GFPT2: variants seen among roughly 807,000 people sequenced by gnomAD.
The protein encoded by GFPT2 is glutamine--fructose-6-phosphate aminotransferase [isomerizing] 2.
Under a neutral mutation model 85.6 loss-of-function variants are expected in GFPT2, and 62 were observed. The ratio of observed to expected loss-of-function variants is 0.72; its 90% CI spans 0.59 to 0.90. The LOEUF (loss-of-function observed/expected upper bound fraction) is 0.90. GFPT2 is among the 40% of genes least tolerant of loss of function. The probability of loss-of-function intolerance (pLI) is 0.00; values close to 1 mark genes in which losing one functional copy is unlikely to be tolerated. For missense variants in GFPT2, 788 were observed against 893.4 expected (o/e 0.88, Z 1.50); for synonymous variants, 368 against 344.5 (o/e 1.07, Z -0.75).
At chr5:180,340,042 T>A (rs929266786) in intron 1 of GFPT2, among the ~76,000 whole-genome samples, 1 of 152,198 alleles carries the variant, frequency 6.6e-6, no homozygotes, top group South Asian at 2.1e-4. Context: ...AAGCCACAGA[T>A]GTTTATTCTC....
intron 1 of GFPT2, chr5:180,352,622 C>T: frequency 2.2e-6 from 1 of 449,070 alleles, no homozygotes; most frequent in Non-Finnish European, 4.4e-6. Context: ...GAGGCGGTAA[C>T]GCGGCAGCGA....
chr5:180,316,546 T>G, intron 12 of GFPT2, 85 bp from the exon 13 acceptor site: 1 of 1,470,300 alleles, frequency 6.8e-7, no homozygotes, highest in South Asian at 1.2e-5. Flanking sequence ...AGGGACAGTT[T>G]GTGACACGGA....
At chr5:180,335,746 C>G in intron 4 of GFPT2, 82 bp downstream of exon 4, 30 of 1,436,684 alleles carry the variant, frequency 2.1e-5, no homozygotes, top group Non-Finnish European at 2.8e-5. Flanking sequence ...GAGGTGGGCG[C>G]GGAACCTGCT....
At chr5:180,336,966 C>T (rs751347904) in intron 2 of GFPT2, among the ~76,000 whole-genome samples, 34 of 152,364 alleles carry the variant, frequency 2.2e-4, no homozygotes, top group Middle Eastern at 6.8e-3. Context: ...GTGTTCCTCC[C>T]GTCGTCTATC....
chr5:180,319,026 G>C, intron 9 of GFPT2, 70 bp from the exon 10 acceptor site: 2 of 1,468,628 alleles, frequency 1.4e-6, no homozygotes, highest in South Asian at 2.3e-5. Context: ...CCCCTTGCTG[G>C]TTCCCAAGCG....
chr5:180,342,933 G>A (rs1581389599), intron 1 of GFPT2, among the ~76,000 whole-genome samples: 1 of 151,650 alleles, frequency 6.6e-6, no homozygotes, highest in Admixed American at 6.6e-5. Context: ...AAGAAAGAAA[G>A]AAAAAAACAA....
At chr5:180,332,158 C>T (rs998663869) in intron 4 of GFPT2, among the ~76,000 whole-genome samples, 1 of 152,224 alleles carries the variant, frequency 6.6e-6, no homozygotes, top group African/African-American at 2.4e-5. Flanking sequence ...TCCCACCTCC[C>T]CAGTTCCTGC....
chr5:180,316,174 C>T (rs60634512), intron 13 of GFPT2, among the ~76,000 whole-genome samples, 167 bp downstream of exon 13: 2,971 of 151,888 alleles, frequency 0.02, 77 homozygotes, highest in East Asian at 0.097. Flanking sequence ...TTGCCCTCCC[C>T]GTACAATGGC....
In GFPT2 at chr5:180,318,619, A is replaced by G. The variant is rs1373099567; in HGVS notation, c.958+174T>C. 6 of 596,034 alleles carry G rather than the reference A, an allele frequency of 1.0e-5. No individual in the cohort carries two copies. Among genetic ancestry groups the G allele is most frequent in the Non-Finnish European group, 1.8e-5 (6 of 337,270 alleles). The allele number at this position is 596,034 out of a possible 1,614,324, so 36.9% of individuals were successfully genotyped here. On this transcript the variant is annotated intron_variant, in intron 10 of 18. Coordinates refer to ENST00000253778, the MANE Select transcript of GFPT2 (RefSeq NM_005110.4). This position sits in a 1 kb window ranked among gnomAD's most constrained non-coding sequence, Gnocchi z 4.2. ...AGCCCCCGCTTGGAGGTGCCAGGCCAGCCTCCCCACATCCCCTCACCTGTG... is the reference window on the plus strand; with the variant it reads ...AGCCCCCGCTTGGAGGTGCCAGGCCGGCCTCCCCACATCCCCTCACCTGTG...
rs777508555 is a variant in GFPT2 at position 180,330,689 on chromosome 5, T to C, written c.534+11A>G. The C allele has an allele frequency of 5.0e-5, 81 of 1,607,356 alleles. No homozygotes were observed. The Middle Eastern group carries it at 6.6e-4, about 13-fold the overall frequency. On this transcript the variant is annotated intron_variant, in intron 6 of 18. Coordinates refer to ENST00000253778, the MANE Select transcript of GFPT2 (RefSeq NM_005110.4). This position sits in a 1 kb window ranked among gnomAD's most constrained non-coding sequence, Gnocchi z 4.4. ...AAGGAATGAGTTAGACAGATGGGATTTGTAACTCACCAACTGCTGAATGAC... is the reference window on the plus strand; with the variant it reads ...AAGGAATGAGTTAGACAGATGGGATCTGTAACTCACCAACTGCTGAATGAC...
chr5:180,317,543 A>C lies in GFPT2; in HGVS notation c.959-485T>G, dbSNP rs565300344. On this transcript the variant is annotated intron_variant, in intron 10 of 18. Transcript: ENST00000253778. ...GGGAGGCCGAGGCGGGCGGATCACG[A>C]AGTCAGGAGATCGAGACCATCCCGG... is the stretch of plus-strand genomic sequence containing the variant. Among the ~76,000 whole-genome samples, 18 of 145,220 alleles carry C rather than the reference A, an allele frequency of 1.2e-4. 1 individual carries two copies. The highest frequency in any genetic ancestry group is 5.1e-4 in the African/African-American group (18 of 34,988).
At chr5:180,320,690 C>T (rs1490974746) in intron 9 of GFPT2, among the ~76,000 whole-genome samples, 1 of 152,188 alleles carries the variant, frequency 6.6e-6, no homozygotes, top group Admixed American at 6.5e-5. Context: ...TCACTTGAAC[C>T]CAGGAGGCGG....
At chr5:180,309,566 G>A (rs568744451) in intron 15 of GFPT2, among the ~76,000 whole-genome samples, 4 of 151,738 alleles carry the variant, frequency 2.6e-5, no homozygotes, top group Admixed American at 1.3e-4. Flanking sequence ...GATTAAAGGC[G>A]CACACCACCA....
chr5:180,324,669 A>T lies in GFPT2; in HGVS notation c.676+147T>A. 4.6e-6 allele frequency: 3 copies of T among 656,762 alleles called. No homozygotes were observed. The South Asian group carries it at 5.5e-5, about 12-fold the overall frequency. The allele number at this position is 656,762 out of a possible 1,614,324, so 40.7% of individuals were successfully genotyped here. ...GGAGCCAAGTCTCAGTTGCACAAAA[A>T]CCTTTTAGACCTGGAGCTGTGCGCC... On this transcript the variant is annotated intron_variant, in intron 8 of 18. Coordinates refer to ENST00000253778, the MANE Select transcript of GFPT2 (RefSeq NM_005110.4).
At chr5:180,353,124 T>A in intron 1 of GFPT2, 87 bp downstream of exon 1, 2 of 1,135,680 alleles carry the variant, frequency 1.8e-6, no homozygotes, top group South Asian at 4.4e-5. Context: ...CCTCGGCGCC[T>A]GCTTGCGGGC....
chr5:180,324,361 A>G (rs1764173419), intron 8 of GFPT2, 56 bp from the exon 9 acceptor site: 2 of 1,024,300 alleles, frequency 2.0e-6, no homozygotes, highest in South Asian at 2.8e-5. Context: ...TTTGCATAAT[A>G]TGCAGCAAGG....
At chr5:180,316,937 G>T (rs1185332316) in intron 11 of GFPT2, 26 bp downstream of exon 11, 1 of 1,561,616 alleles carries the variant, frequency 6.4e-7, no homozygotes. Context: ...CTCGGGCGGA[G>T]GCTCCCCACC....
chr5:180,314,888 T>C (rs1048719715), intron 13 of GFPT2, among the ~76,000 whole-genome samples: 1 of 152,234 alleles, frequency 6.6e-6, no homozygotes. Context: ...ATTATTTTCA[T>C]ATTAGCTCCA....
At chr5:180,336,083 C>A in intron 3 of GFPT2, 130 bp from the exon 4 acceptor site, 1 of 848,500 alleles carries the variant, frequency 1.2e-6, no homozygotes, top group Non-Finnish European at 1.8e-6. Flanking sequence ...AGCTCCCACC[C>A]TGGGAGTCCG....
Sources: allele counts gnomAD v4.1 joint callset (sites outside exome capture counted in the v4.1 genomes callset), GRCh38; gene constraint gnomAD v4.1.1; non-coding constraint Gnocchi (gnomAD v3.1); transcripts MANE v1.5; gene names NCBI Gene and HGNC (gene_info 2026-07-23, HGNC 2026-07-21).